Variants in OR10K1 observed in about 807,000 individuals in gnomAD.
The protein encoded by OR10K1 is olfactory receptor 10K1.
For synonymous variants in OR10K1, 186 were observed against 152.5 expected, an observed-to-expected ratio of 1.22 and a Z score of -1.62; for missense variants, 404 against 373.3, an observed-to-expected ratio of 1.08 and a Z score of -0.68.
chr1:158,462,366 T>TTTCC (rs892881499), intron 1 of OR10K1, among the ~76,000 whole-genome samples: 32 of 65,942 alleles, frequency 4.9e-4, no homozygotes, highest in African/African-American at 1.2e-3. Context: ...TCTTTTTTCT[T>TTTCC]TTCCTTCCTT....
In OR10K1 at chr1:158,466,675, C is replaced by T; in HGVS notation, c.*172C>T. ...GTCTGGCTTTCTACTCTCCATGATA[C>T]TTTAACAAGACTAATCAGATATGGG... On this transcript the variant is annotated 3_prime_UTR_variant, in exon 2 of 2. Coordinates refer to ENST00000641535, the MANE Select transcript of OR10K1 (RefSeq NM_001004473.2). 1 of 599,926 alleles carries T rather than the reference C, an allele frequency of 1.7e-6. No homozygotes were observed. The highest frequency in any genetic ancestry group is 2.9e-6 in the Non-Finnish European group (1 of 339,088). 37.2% of individuals were successfully genotyped at this position (599,926 alleles called of 1,614,324 possible).
At position 158,465,491 on chromosome 1, in the gene OR10K1, C is replaced by T. The variant is rs1404676744; in HGVS notation, c.-71C>T. On this transcript the variant is annotated 5_prime_UTR_variant, in exon 2 of 2. Transcript: ENST00000641535. ...CAAACTTTGTGTGAAATTTCCCGTA[C>T]ATTTCCACTCTCCTTTCTGGATCCT... The T allele has an allele frequency of 2.5e-6, 3 of 1,218,062 alleles. No individual in the cohort carries two copies. The highest frequency in any genetic ancestry group is 2.4e-5 in the East Asian group (1 of 41,798). The allele number at this position is 1,218,062 out of a possible 1,614,324, so 75.5% of individuals were successfully genotyped here.
chr1:158,463,246 T>C lies in OR10K1; in HGVS notation c.-157+1342T>C, dbSNP rs1557871747. ...TCATCTTCATTTTACAGCTTGAACG[T>C]ATTTTGTAGGATGAGAATTTTTATT... On this transcript the variant is annotated intron_variant, in intron 1 of 1. Coordinates refer to ENST00000641535, the MANE Select transcript of OR10K1 (RefSeq NM_001004473.2). Among the ~76,000 whole-genome samples, 4 of 152,186 alleles carry C rather than the reference T, an allele frequency of 2.6e-5. No homozygotes were observed. In the South Asian group the frequency reaches 8.3e-4, roughly 31 times the overall value.
intron 1 of OR10K1, 94 bp from the exon 2 acceptor site, chr1:158,465,312 T>A: frequency 3.7e-6 from 2 of 533,890 alleles, no homozygotes; most frequent in South Asian, 5.2e-5. Flanking sequence ...TCCTAATCCT[T>A]GGTCAGAGAG....
intron 1 of OR10K1, among the ~76,000 whole-genome samples, chr1:158,462,373 C>A (rs1429514669): frequency 6.6e-6 from 1 of 151,056 alleles, no homozygotes; most frequent in Non-Finnish European, 1.5e-5. Flanking sequence ...TCTTTTCCTT[C>A]CTTCCTTCCT....
Position 158,466,503 on chromosome 1 carries a change from A to G in OR10K1, c.942A>G (p.Ter314=), listed in dbSNP as rs989626101. The change falls in exon 2 of 2, where the codon TAA becomes TAG. Residue 314 remains the stop codon, a stop_retained_variant. Coordinates refer to ENST00000641535, the MANE Select transcript of OR10K1 (RefSeq NM_001004473.2). ...TIGQTFYPLS[*] is the part of the protein sequence containing the mutation. The stretch of plus-strand genomic sequence containing the variant: ...GCCAAACTTTCTATCCTCTTAGTTA[A>G]AGAGCTATTTTTTAAACTACTAATG... The G allele has an allele frequency of 4.4e-6, 7 of 1,605,496 alleles. No homozygotes were observed. Among genetic ancestry groups the G allele is most frequent in the Non-Finnish European group, 5.1e-6 (6 of 1,172,630 alleles).
chr1:158,466,745 C>T lies in OR10K1; in HGVS notation c.*242C>T, dbSNP rs1451192463. ...TAACAAATTTAATTATATTTTACTG[C>T]TTTAAATATTGCTAATTTAAAAACT... is the stretch of plus-strand genomic sequence containing the variant. On this transcript the variant is annotated 3_prime_UTR_variant, in exon 2 of 2. Coordinates refer to ENST00000641535, the MANE Select transcript of OR10K1 (RefSeq NM_001004473.2). 8.5e-6 allele frequency: 4 copies of T among 472,548 alleles called. No individual in the cohort carries two copies. The highest frequency in any genetic ancestry group is 1.5e-5 in the Non-Finnish European group (4 of 268,860). The allele number at this position is 472,548 out of a possible 1,614,324, so 29.3% of individuals were successfully genotyped here.
chr1:158,465,600 C>G lies in OR10K1; in HGVS notation c.39C>G (p.Val13=). The part of the protein sequence containing the change: ...QVNKTVVREF[V]VLGFSSLARL... The stretch of plus-strand genomic sequence containing the variant: ...ATAAGACTGTGGTGAGAGAGTTCGT[C>G]GTCCTCGGCTTCTCATCCCTGGCCA... The change falls in exon 2 of 2, where the codon GTC becomes GTG. Residue 13 remains valine (V), a synonymous_variant. Transcript: ENST00000641535. 1 of 1,614,054 alleles carries G rather than the reference C, an allele frequency of 6.2e-7. No individual in the cohort carries two copies. Among genetic ancestry groups the G allele is most frequent in the South Asian group, 1.1e-5 (1 of 91,068 alleles).
chr1:158,466,219 C>T lies in OR10K1; in HGVS notation c.658C>T (p.Arg220Cys), dbSNP rs185874732. ...PLLLILVSYI[R>C]IISAILKIPS... ...GCTACTTATCCTAGTCTCCTACATC[C>T]GCATCATCTCTGCCATTCTAAAAAT... The change falls in exon 2 of 2, where the codon CGC becomes TGC. Residue 220 changes from arginine (R) to cysteine (C), a missense_variant. By Grantham distance (180) the Arg-to-Cys change is radical. Coordinates refer to ENST00000641535, the MANE Select transcript of OR10K1 (RefSeq NM_001004473.2). 5.2e-5 allele frequency: 84 copies of T among 1,614,094 alleles called. No individual in the cohort carries two copies. The highest frequency in any genetic ancestry group is 1.1e-4 in the South Asian group (10 of 91,086).
rs1359284404 is a variant in OR10K1, at chr1:158,466,615, AT to A, written c.*113del. 4.3e-6 allele frequency: 3 copies of A among 694,146 alleles called. No homozygotes were observed. The highest frequency in any genetic ancestry group is 7.4e-6 in the Non-Finnish European group (3 of 405,570). 43.0% of individuals were successfully genotyped at this position (694,146 alleles called of 1,614,324 possible). A position where few individuals can be genotyped will look rare whatever the true frequency, so the allele number is the denominator to read the frequency against. On this transcript the variant is annotated 3_prime_UTR_variant, in exon 2 of 2. Transcript: ENST00000641535. ...CCACTGTAACATAAGAACATTTTACATATGAGAAGAATGAGGCTCACAGAAG... is the reference window on the plus strand; with the variant it reads ...CCACTGTAACATAAGAACATTTTACAATGAGAAGAATGAGGCTCACAGAAG...
chr1:158,463,445 T>C (rs181831759), intron 1 of OR10K1, among the ~76,000 whole-genome samples: 1 of 152,306 alleles, frequency 6.6e-6, no homozygotes, highest in African/African-American at 2.4e-5. Context: ...GGATTTATAT[T>C]AATACTATGT....
Position 158,466,201 on chromosome 1 carries a change from A to G in OR10K1, c.640A>G (p.Ile214Val), listed in dbSNP as rs1557872814. The change falls in exon 2 of 2, where the codon ATC becomes GTC. Residue 214 changes from isoleucine (I) to valine (V), a missense_variant. Ile to Val is a conservative substitution (Grantham distance 29). Coordinates refer to ENST00000641535, the MANE Select transcript of OR10K1 (RefSeq NM_001004473.2). Reference protein sequence around the residue: ...VFALVIPLLLILVSYIRIISA... With the variant: ...VFALVIPLLLVLVSYIRIISA... ...TGCCTTGGTCATTCCTCTGCTACTT[A>G]TCCTAGTCTCCTACATCCGCATCAT... The G allele has an allele frequency of 1.9e-6, 3 of 1,614,054 alleles. No homozygotes were observed. Among genetic ancestry groups the G allele is most frequent in the Middle Eastern group, 1.6e-4 (1 of 6,062 alleles).
At chr1:158,464,791 G>T (rs150651542) in intron 1 of OR10K1, among the ~76,000 whole-genome samples, 5,286 of 152,220 alleles carry the variant, frequency 0.035, 302 homozygotes, top group African/African-American at 0.12. Context: ...TGGGATTACA[G>T]GTGTGTGCTG....
In OR10K1 at chr1:158,465,472, T is replaced by A; in HGVS notation, c.-90T>A. The A allele has an allele frequency of 1.0e-6, 1 of 981,616 alleles. No homozygotes were observed. The highest frequency in any genetic ancestry group is 1.5e-6 in the Non-Finnish European group (1 of 658,964). The allele number at this position is 981,616 out of a possible 1,614,324, so 60.8% of individuals were successfully genotyped here. Reference sequence around the variant, plus strand: ...TGGAAATGCCTGCCACCTGCAAACTTTGTGTGAAATTTCCCGTACATTTCC... The same window carrying A: ...TGGAAATGCCTGCCACCTGCAAACTATGTGTGAAATTTCCCGTACATTTCC... On this transcript the variant is annotated 5_prime_UTR_variant, in exon 2 of 2. It adds an upstream start codon to the 5' untranslated region. Transcript: ENST00000641535.
chr1:158,466,338 C>A lies in OR10K1; in HGVS notation c.777C>A (p.Tyr259Ter), dbSNP rs143219550. ...ACTACAGTTGTGCCTCTTTCATCTA[C>A]TTAAGGCCCAAGACTAATTACACTT... Reference protein sequence around the residue: ...TVHYSCASFIYLRPKTNYTSS... With the variant: ...TVHYSCASFI The change falls in exon 2 of 2, where the codon TAC becomes TAA. Residue 259 changes from tyrosine to a stop codon, truncating the protein, a stop_gained. Transcript: ENST00000641535. LOFTEE classifies it low-confidence loss of function (END_TRUNC). 96 of 1,614,110 alleles carry A rather than the reference C, an allele frequency of 5.9e-5. 1 individual carries two copies. In the African/African-American group the frequency reaches 1.1e-3, roughly 19 times the overall value.
At position 158,467,012 on chromosome 1, in the gene OR10K1, C is replaced by T. The variant is rs1223729283; in HGVS notation, c.*509C>T. 1.9e-5 allele frequency: 3 copies of T among 153,894 alleles called. No individual in the cohort carries two copies. Among genetic ancestry groups the T allele is most frequent in the African/African-American group, 7.2e-5 (3 of 41,410 alleles). The allele number at this position is 153,894 out of a possible 1,614,324, so 9.5% of individuals were successfully genotyped here. A position where few individuals can be genotyped will look rare whatever the true frequency, so the allele number is the denominator to read the frequency against. ...GTCCTTTTTGTCCCCAATTCATTTC[C>T]TTAACCTACATATTGAAATATCTTG... On this transcript the variant is annotated 3_prime_UTR_variant, in exon 2 of 2. Coordinates refer to ENST00000641535, the MANE Select transcript of OR10K1 (RefSeq NM_001004473.2).
chr1:158,465,962 T>A lies in OR10K1; in HGVS notation c.401T>A (p.Val134Glu). 1 of 1,614,134 alleles carries A rather than the reference T, an allele frequency of 6.2e-7. No individual in the cohort carries two copies. Residue 134 changes from valine (V) to glutamate (E), a missense_variant, in exon 2 of 2, where the codon GTG becomes GAG. Val to Glu is a moderately radical substitution (Grantham distance 121, BLOSUM62 -2). Coordinates refer to ENST00000641535, the MANE Select transcript of OR10K1 (RefSeq NM_001004473.2). The part of the protein sequence containing the change: ...MAICNPLRYS[V>E]LMGHGVCMGL... Reference sequence around the variant, plus strand: ...ATCTGTAACCCACTGCGCTACTCAGTGCTCATGGGACATGGGGTGTGTATG... The same window carrying A: ...ATCTGTAACCCACTGCGCTACTCAGAGCTCATGGGACATGGGGTGTGTATG...
chr1:158,466,325 C>T lies in OR10K1; in HGVS notation c.764C>T (p.Ala255Val), dbSNP rs917183584. The T allele has an allele frequency of 6.2e-7, 1 of 1,613,988 alleles. No individual in the cohort carries two copies. Among genetic ancestry groups the T allele is most frequent in the Non-Finnish European group, 8.5e-7 (1 of 1,179,910 alleles). ...LIVVTVHYSC[A>V]SFIYLRPKTN... ...GTGGTAACTGTTCACTACAGTTGTG[C>T]CTCTTTCATCTACTTAAGGCCCAAG... The change falls in exon 2 of 2, where the codon GCC (alanine) becomes GTC (valine). Residue 255 changes from alanine to valine, a missense_variant. Transcript: ENST00000641535.
Position 158,467,374 on chromosome 1 carries a change from A to G in OR10K1, c.*871A>G, listed in dbSNP as rs966869718. 1 of 152,178 alleles carries G rather than the reference A, an allele frequency of 6.6e-6. No homozygotes were observed. The highest frequency in any genetic ancestry group is 1.5e-5 in the Non-Finnish European group (1 of 68,020). 9.4% of individuals were successfully genotyped at this position (152,178 alleles called of 1,614,324 possible). A position where few individuals can be genotyped will look rare whatever the true frequency, so the allele number is the denominator to read the frequency against. Reference sequence around the variant, plus strand: ...CTTCATTGTCATGAATCTATCATCTAGTTTCCACCTACCTCTTCAGTATTA... The same window carrying G: ...CTTCATTGTCATGAATCTATCATCTGGTTTCCACCTACCTCTTCAGTATTA... On this transcript the variant is annotated 3_prime_UTR_variant, in exon 2 of 2. Coordinates refer to ENST00000641535, the MANE Select transcript of OR10K1 (RefSeq NM_001004473.2).
Sources: allele counts gnomAD v4.1 joint callset (sites outside exome capture counted in the v4.1 genomes callset), GRCh38; gene constraint gnomAD v4.1.1; transcripts MANE v1.5; gene names NCBI Gene and HGNC (gene_info 2026-07-23, HGNC 2026-07-21).